The following SLC4A4 variants were observed in gnomAD, a reference collection of about 807,000 sequenced individuals.
SLC4A4 encodes the protein electrogenic sodium bicarbonate cotransporter 1.
A neutral mutation model predicts 111.5 loss-of-function variants in SLC4A4; 27 were observed. The ratio of observed to expected loss-of-function variants is 0.24; its 90% CI spans 0.18 to 0.33. The LOEUF (loss-of-function observed/expected upper bound fraction) is 0.33, where lower values mean the gene tolerates loss of function less well. SLC4A4 is among the 10% of genes least tolerant of loss of function. SLC4A4 has a pLI of 1.00. For synonymous variants in SLC4A4, 443 were observed against 463.4 expected (o/e 0.96, Z 0.57); for missense variants, 909 against 1,315.5 (o/e 0.69, Z 4.78).
chr4:71,273,488 G>A (rs1722843353), intron 3 of SLC4A4, among the ~76,000 whole-genome samples: 1 of 152,134 alleles, frequency 6.6e-6, no homozygotes, highest in African/African-American at 2.4e-5. Context: ...CTGTAGTTTG[G>A]TTCATAGTTG....
At chr4:71,197,830 A>G (rs1746076327) in intron 1 of SLC4A4, among the ~76,000 whole-genome samples, 1 of 152,240 alleles carries the variant, frequency 6.6e-6, no homozygotes, top group Non-Finnish European at 1.5e-5. Flanking sequence ...TATAAAAAAT[A>G]GAATTAGAGA....
At chr4:71,479,766 T>C (rs1177077224) in intron 14 of SLC4A4, among the ~76,000 whole-genome samples, 4 of 151,692 alleles carry the variant, frequency 2.6e-5, no homozygotes, top group Non-Finnish European at 4.4e-5. Context: ...ATGGTAATAG[T>C]GTTTTGGAAG....
rs1256699998 is a variant in SLC4A4 at position 71,569,942 on chromosome 4, G to C, written c.*2191G>C. On this transcript the variant is annotated 3_prime_UTR_variant, in exon 26 of 26. Coordinates refer to ENST00000264485, the MANE Select transcript of SLC4A4 (RefSeq NM_001098484.3). ...CTTGCCAAATTCTGGCTTCACATTT[G>C]TATTTAGGGCTATCCTTAAAATGAT... 1 of 151,626 alleles carries C rather than the reference G, an allele frequency of 6.6e-6. No individual in the cohort carries two copies. The highest frequency in any genetic ancestry group is 1.5e-5 in the Non-Finnish European group (1 of 67,762). 9.4% of individuals were successfully genotyped at this position (151,626 alleles called of 1,614,324 possible). A position where few individuals can be genotyped will look rare whatever the true frequency, so the allele number is the denominator to read the frequency against.
chr4:71,212,001 C>T (rs1560782819), intron 1 of SLC4A4, among the ~76,000 whole-genome samples: 1 of 152,150 alleles, frequency 6.6e-6, no homozygotes, highest in Non-Finnish European at 1.5e-5. Flanking sequence ...AGTGCTCCCT[C>T]ACCAAGGAAG....
At chr4:71,299,975 A>G (rs186424743) in intron 3 of SLC4A4, among the ~76,000 whole-genome samples, 593 of 152,290 alleles carry the variant, frequency 3.9e-3, no homozygotes, top group Non-Finnish European at 6.6e-3. Context: ...TCTCAGGCCC[A>G]GGTATTGATG....
chr4:71,410,007 G>A (rs1019769676), intron 7 of SLC4A4, among the ~76,000 whole-genome samples: 10 of 152,338 alleles, frequency 6.6e-5, no homozygotes, highest in African/African-American at 2.2e-4. Context: ...GCGCACAGAA[G>A]TCAAGAATTG....
intron 14 of SLC4A4, among the ~76,000 whole-genome samples, chr4:71,478,051 A>G (rs1728530154): frequency 6.6e-6 from 1 of 152,034 alleles, no homozygotes. Context: ...ATGCAAATCA[A>G]AACCACAATG....
At chr4:71,553,255 T>A (rs1736191302) in intron 20 of SLC4A4, among the ~76,000 whole-genome samples, 1 of 151,906 alleles carries the variant, frequency 6.6e-6, no homozygotes, top group Admixed American at 6.6e-5. Flanking sequence ...CCACAACCCA[T>A]GCCATTCTAT....
chr4:71,499,121 G>A (rs1730679310), intron 16 of SLC4A4, among the ~76,000 whole-genome samples: 1 of 151,286 alleles, frequency 6.6e-6, no homozygotes, highest in Non-Finnish European at 1.5e-5. Context: ...GTAATTTATT[G>A]GGCATCTTGG....
chr4:71,175,947 C>T lies in SLC4A4; in HGVS notation c.-1-60629C>T, dbSNP rs148638849. Among the ~76,000 whole-genome samples the T allele has an allele frequency of 9.9e-3, 1,506 of 152,288 alleles. 25 individuals carry two copies. The highest frequency in any genetic ancestry group is 0.035 in the African/African-American group (1,442 of 41,562). On this transcript the variant is annotated intron_variant, in intron 2 of 26. Coordinates refer to the SLC4A4 transcript ENST00000649996. Reference sequence around the variant, plus strand: ...CCCCCCAGTAGGGGCAGACTGACACCTCACATGGCCGGGTACTCCTCTGAG... The same window carrying T: ...CCCCCCAGTAGGGGCAGACTGACACTTCACATGGCCGGGTACTCCTCTGAG...
chr4:71,524,776 AT>A (rs1733270021), intron 16 of SLC4A4, among the ~76,000 whole-genome samples: 1 of 152,006 alleles, frequency 6.6e-6, no homozygotes, highest in Non-Finnish European at 1.5e-5. Flanking sequence ...TTTTTCTTTC[AT>A]GTAAAATAAA....
At chr4:71,161,562 T>C (rs1234592834) in intron 2 of SLC4A4, among the ~76,000 whole-genome samples, 3 of 152,232 alleles carry the variant, frequency 2.0e-5, no homozygotes, top group African/African-American at 4.8e-5. Flanking sequence ...ATTCATTTAA[T>C]ATTTATCTTT....
At chr4:71,385,419 A>G (rs1718619770) in intron 6 of SLC4A4, among the ~76,000 whole-genome samples, 2 of 151,496 alleles carry the variant, frequency 1.3e-5, no homozygotes, top group African/African-American at 4.8e-5. Context: ...GCTGCTCTCG[A>G]ACTACTGACC....
rs545918518 is a variant in SLC4A4 at position 71,418,136 on chromosome 4, C to A, written c.807+20483C>A. Among the ~76,000 whole-genome samples, 8 of 152,194 alleles carry A rather than the reference C, an allele frequency of 5.3e-5. No individual in the cohort carries two copies. In the South Asian group the frequency reaches 1.4e-3, roughly 28 times the overall value. ...TAACAAGTTGATTTTTAAACTGGGGCAGTACTTGAAATTTCATCCTGTTTA... is the reference window on the plus strand; with the variant it reads ...TAACAAGTTGATTTTTAAACTGGGGAAGTACTTGAAATTTCATCCTGTTTA... On this transcript the variant is annotated intron_variant, in intron 7 of 25. Transcript: ENST00000264485.
chr4:71,387,528 C>T (rs1718860950), intron 6 of SLC4A4, among the ~76,000 whole-genome samples: 1 of 152,044 alleles, frequency 6.6e-6, no homozygotes, highest in Admixed American at 6.6e-5. Flanking sequence ...AAGTTTCACT[C>T]TTGTTGCCCA....
chr4:71,092,108 A>C (rs1018008365), intron 1 of SLC4A4, among the ~76,000 whole-genome samples: 1 of 152,230 alleles, frequency 6.6e-6, no homozygotes, highest in African/African-American at 2.4e-5. Context: ...CTACTCAGTA[A>C]GTATGTAACT....
intron 13 of SLC4A4, among the ~76,000 whole-genome samples, chr4:71,470,793 C>T (rs1348761716): frequency 6.6e-6 from 1 of 151,964 alleles, no homozygotes; most frequent in Non-Finnish European, 1.5e-5. Flanking sequence ...TGCTGTAGAA[C>T]CAGGAAGAGC....
At chr4:71,443,151 T>TATAC (rs1724917891) in intron 8 of SLC4A4, among the ~76,000 whole-genome samples, 1 of 126,094 alleles carries the variant, frequency 7.9e-6, no homozygotes, top group Non-Finnish European at 1.7e-5. Flanking sequence ...TATATATATA[T>TATAC]AAATTTTTTG....
chr4:71,199,844 T>A (rs980299797), intron 1 of SLC4A4, among the ~76,000 whole-genome samples: 16 of 151,990 alleles, frequency 1.1e-4, no homozygotes, highest in African/African-American at 3.9e-4. Flanking sequence ...AGAGATGGAG[T>A]TTCACCATGT....
Sources: gnomAD v4.1 joint callset for allele counts (sites outside exome capture counted in the v4.1 genomes callset) on GRCh38, gnomAD v4.1.1 for gene constraint, MANE v1.5 for transcripts, NCBI Gene and HGNC (gene_info 2026-07-23, HGNC 2026-07-21) for gene names.